HAPLN3: variants seen among roughly 807,000 people sequenced by gnomAD.
HAPLN3 encodes hyaluronan and proteoglycan link protein 3.
A neutral mutation model predicts 28.1 loss-of-function variants in HAPLN3; 28 were observed. The observed-to-expected ratio is 1.00, with a 90% CI of 0.74 to 1.37. The LOEUF is 1.37. Ranked by LOEUF, HAPLN3 falls within the 40% of genes most tolerant of loss-of-function variation. The pLI, the probability that HAPLN3 is intolerant of heterozygous loss-of-function variation, is 0.00. For missense variants in HAPLN3, 513 were observed against 504.6 expected (o/e 1.02, Z -0.16); for synonymous variants, 211 against 213.1 (o/e 0.99, Z 0.09).
At chr15:88,891,125 C>T (rs568330717) in intron 1 of HAPLN3, among the ~76,000 whole-genome samples, 7 of 152,120 alleles carry the variant, frequency 4.6e-5, no homozygotes, top group African/African-American at 9.7e-5. Flanking sequence ...GGTGATCTGC[C>T]CACCTCGGCC....
At position 88,878,947 on chromosome 15, in the gene HAPLN3, C is replaced by T. The variant is rs762420606; in HGVS notation, c.796+20G>A. The T allele has an allele frequency of 3.2e-5, 51 of 1,589,270 alleles. No individual in the cohort carries two copies. The highest frequency in any genetic ancestry group is 1.7e-4 in the Middle Eastern group (1 of 6,036). On this transcript the variant is annotated intron_variant, in intron 4 of 4. Transcript: ENST00000359595. Reference sequence around the variant, plus strand: ...GGTGGCCACCAAACCCACAGGCCCGCGCTTGGCTATTCCACTCACCCTTGA... The same window carrying T: ...GGTGGCCACCAAACCCACAGGCCCGTGCTTGGCTATTCCACTCACCCTTGA...
intron 2 of HAPLN3, among the ~76,000 whole-genome samples, chr15:88,883,936 G>A (rs1041063128): frequency 6.6e-6 from 1 of 151,894 alleles, no homozygotes; most frequent in Non-Finnish European, 1.5e-5. Flanking sequence ...AAATTAGCTG[G>A]GCACAGTGGT....
intron 1 of HAPLN3, among the ~76,000 whole-genome samples, chr15:88,891,829 G>A (rs1017559229): frequency 6.6e-6 from 1 of 152,168 alleles, no homozygotes; most frequent in Non-Finnish European, 1.5e-5. Context: ...GCAAACCCTT[G>A]TAAGAGTTCG....
chr15:88,891,866 C>T (rs1898020888), intron 1 of HAPLN3, among the ~76,000 whole-genome samples: 1 of 152,192 alleles, frequency 6.6e-6, no homozygotes, highest in South Asian at 2.1e-4. Context: ...TCAGGCTCCA[C>T]ACCTGGAACC....
chr15:88,885,396 C>T (rs1326255801), intron 2 of HAPLN3, among the ~76,000 whole-genome samples: 1 of 152,090 alleles, frequency 6.6e-6, no homozygotes, highest in African/African-American at 2.4e-5. Flanking sequence ...ATGCCTCAGC[C>T]TCCTGAGTAG....
rs547749289 is a variant in HAPLN3 at position 88,891,116 on chromosome 15, G to A, written c.-47-3771C>T. On this transcript the variant is annotated intron_variant, in intron 1 of 4. Transcript: ENST00000359595. ...GCTAGTCTTGAACTCCTGACCTCAGGTGATCTGCCCACCTCGGCCTCCCAA... is the reference window on the plus strand; with the variant it reads ...GCTAGTCTTGAACTCCTGACCTCAGATGATCTGCCCACCTCGGCCTCCCAA... Among the ~76,000 whole-genome samples the A allele has an allele frequency of 1.1e-4, 17 of 152,212 alleles. No individual in the cohort carries two copies. The South Asian group carries it at 3.5e-3, about 32-fold the overall frequency.
chr15:88,881,523 G>C lies in HAPLN3; in HGVS notation c.327C>G (p.His109Gln). ...GGCCTTGGTAGTCCCCAAAGGAGCG[G>C]TGCCTCAGCCCGATGGCCACCAGCA... ...KDVLVAIGLR[H>Q]RSFGDYQGRV... The change falls in exon 3 of 5, where the codon CAC (histidine) becomes CAG (glutamine). Residue 109 changes from histidine (H) to glutamine (Q), a missense_variant. Coordinates refer to ENST00000359595, the MANE Select transcript of HAPLN3 (RefSeq NM_178232.4). The surrounding 1 kb of genome is among the most constrained non-coding windows in gnomAD (Gnocchi z 6.0). 1.2e-6 allele frequency: 2 copies of C among 1,614,078 alleles called. No individual in the cohort carries two copies. Among genetic ancestry groups the C allele is most frequent in the East Asian group, 4.5e-5 (2 of 44,874 alleles).
intron 2 of HAPLN3, among the ~76,000 whole-genome samples, chr15:88,884,807 A>G (rs1298268560): frequency 6.6e-6 from 1 of 152,054 alleles, no homozygotes; most frequent in Non-Finnish European, 1.5e-5. Flanking sequence ...GGAGATTTGC[A>G]TATAAAAGAG....
In HAPLN3 at chr15:88,888,604, C is replaced by G. The variant is rs1324379624; in HGVS notation, c.-47-1259G>C. On this transcript the variant is annotated intron_variant, in intron 1 of 4. Coordinates refer to ENST00000359595, the MANE Select transcript of HAPLN3 (RefSeq NM_178232.4). This position sits in a 1 kb window ranked among gnomAD's most constrained non-coding sequence, Gnocchi z 4.1. ...TCACACCAAGGGCTACTGCCTCACT[C>G]ATGTCACCCTAGCCCTGCTCACCTG... Among the ~76,000 whole-genome samples, 1 of 152,186 alleles carries G rather than the reference C, an allele frequency of 6.6e-6. No homozygotes were observed. Among genetic ancestry groups the G allele is most frequent in the Non-Finnish European group, 1.5e-5 (1 of 68,034 alleles).
chr15:88,886,554 G>A (rs904339270), intron 2 of HAPLN3, among the ~76,000 whole-genome samples: 1 of 151,584 alleles, frequency 6.6e-6, no homozygotes, highest in Non-Finnish European at 1.5e-5. Flanking sequence ...GCCAGGCATG[G>A]TGGCTTATGC....
chr15:88,879,848 G>A lies in HAPLN3; in HGVS notation c.494-579C>T. The stretch of plus-strand genomic sequence containing the variant: ...GGCGGTTTCTCTCCTTGTGGTCAGG[G>A]TCTGATAGAGGCCACAGGCCCTGAA... On this transcript the variant is annotated intron_variant, in intron 3 of 4. Coordinates refer to ENST00000359595, the MANE Select transcript of HAPLN3 (RefSeq NM_178232.4). This position sits in a 1 kb window ranked among gnomAD's most constrained non-coding sequence, Gnocchi z 5.0. 1 of 1,059,554 alleles carries A rather than the reference G, an allele frequency of 9.4e-7. No homozygotes were observed. The highest frequency in any genetic ancestry group is 1.1e-6 in the Non-Finnish European group (1 of 874,706). 65.6% of individuals were successfully genotyped at this position (1,059,554 alleles called of 1,614,324 possible).
intron 2 of HAPLN3, among the ~76,000 whole-genome samples, chr15:88,885,511 G>A (rs998226580): frequency 6.8e-6 from 1 of 148,056 alleles, no homozygotes; most frequent in Non-Finnish European, 1.5e-5. Context: ...AGGCTGGAGT[G>A]CAGTGGTATG....
chr15:88,887,302 CTCATGCCAGGG>C lies in HAPLN3; in HGVS notation c.-15_-5del, dbSNP rs766983409. On this transcript the variant is annotated 5_prime_UTR_variant, in exon 2 of 5. An upstream start codon of the reference 5' UTR is lost. Transcript: ENST00000359595. ...GGACCAGGAGCAACAGGCCCATCTC[CTCATGCCAGGG>C]TGACCCGGGCCAGGCTGGGGCCCCA... The C allele has an allele frequency of 8.1e-6, 13 of 1,613,868 alleles. No individual in the cohort carries two copies. The Middle Eastern group carries it at 6.6e-4, about 82-fold the overall frequency.
intron 2 of HAPLN3, among the ~76,000 whole-genome samples, chr15:88,886,640 C>T (rs1280012202): frequency 6.6e-6 from 1 of 151,920 alleles, no homozygotes; most frequent in Non-Finnish European, 1.5e-5. Flanking sequence ...GCCTGGCCAA[C>T]ATGGTGAAAC....
rs1258228737 is a variant in HAPLN3, at chr15:88,881,577, C to T, written c.273G>A (p.Leu91=). ...PRRVRVKWWK[L]SENGAPEKDV... is the part of the protein sequence containing the mutation. ...CCTTCTCTGGGGCCCCGTTCTCCGA[C>T]AGCTTCCACCATTTGACACGCACAC... The change falls in exon 3 of 5, where the codon CTG becomes CTA. Residue 91 remains leucine (L), a synonymous_variant. Transcript: ENST00000359595. The surrounding 1 kb of genome is among the most constrained non-coding windows in gnomAD (Gnocchi z 6.0). The T allele has an allele frequency of 6.2e-7, 1 of 1,614,008 alleles. No individual in the cohort carries two copies. Among genetic ancestry groups the T allele is most frequent in the Non-Finnish European group, 8.5e-7 (1 of 1,180,056 alleles).
In HAPLN3 at chr15:88,881,094, A is replaced by G; in HGVS notation, c.493+263T>C. The G allele has an allele frequency of 1.9e-6, 1 of 513,630 alleles. No homozygotes were observed. Among genetic ancestry groups the G allele is most frequent in the Non-Finnish European group, 3.4e-6 (1 of 290,464 alleles). 31.8% of individuals were successfully genotyped at this position (513,630 alleles called of 1,614,324 possible). On this transcript the variant is annotated intron_variant, in intron 3 of 4. Transcript: ENST00000359595. This position sits in a 1 kb window ranked among gnomAD's most constrained non-coding sequence, Gnocchi z 6.0. ...TGTGAATTACAGCGGGTAGAGGGGA[A>G]CAGATTCTAGAGGCTGGGTGCTTGG...
At position 88,877,715 on chromosome 15, in the gene HAPLN3, C is replaced by T. The variant is rs946272908; in HGVS notation, c.*255G>A. On this transcript the variant is annotated 3_prime_UTR_variant, in exon 5 of 5. Transcript: ENST00000359595. This position sits in a 1 kb window ranked among gnomAD's most constrained non-coding sequence, Gnocchi z 5.1. ...AAGGGAGGGAGACCAGCCTGGATGGCGGGGAACCCTCCAGAAGCCCACAAA... is the reference window on the plus strand; with the variant it reads ...AAGGGAGGGAGACCAGCCTGGATGGTGGGGAACCCTCCAGAAGCCCACAAA... 6.7e-5 allele frequency: 31 copies of T among 460,328 alleles called. No individual in the cohort carries two copies. The highest frequency in any genetic ancestry group is 6.7e-4 in the East Asian group (17 of 25,408). The allele number at this position is 460,328 out of a possible 1,614,324, so 28.5% of individuals were successfully genotyped here. A position where few individuals can be genotyped will look rare whatever the true frequency, so the allele number is the denominator to read the frequency against.
chr15:88,892,197 C>T (rs1032781868), intron 1 of HAPLN3, among the ~76,000 whole-genome samples: 1 of 152,132 alleles, frequency 6.6e-6, no homozygotes, highest in African/African-American at 2.4e-5. Context: ...GTGGCTTACA[C>T]CTGTTATCCC....
intron 2 of HAPLN3, among the ~76,000 whole-genome samples, chr15:88,886,886 G>T (rs1021317779): frequency 4.6e-5 from 7 of 152,156 alleles, no homozygotes; most frequent in Non-Finnish European, 7.4e-5. Context: ...CCTTTCCACT[G>T]GGGGGACCAG....
Sources: allele counts gnomAD v4.1 joint callset (sites outside exome capture counted in the v4.1 genomes callset), GRCh38; gene constraint gnomAD v4.1.1; non-coding constraint Gnocchi (gnomAD v3.1); transcripts MANE v1.5; gene names NCBI Gene and HGNC (gene_info 2026-07-23, HGNC 2026-07-21).